Variants in SMPDL3B observed in about 807,000 individuals in gnomAD.
SMPDL3B encodes the protein acid sphingomyelinase-like phosphodiesterase 3b.
In SMPDL3B, 31 loss-of-function variants were observed where a neutral mutation model predicts 37.9. The ratio of observed to expected loss-of-function variants is 0.82; its 90% confidence interval spans 0.61 to 1.10. The LOEUF (loss-of-function observed/expected upper bound fraction) is 1.10. Ranked by LOEUF, SMPDL3B falls within the 50% of genes least tolerant of loss-of-function variation. The probability of loss-of-function intolerance (pLI) is 0.00; values close to 1 mark genes in which losing one functional copy is unlikely to be tolerated. For synonymous variants in SMPDL3B, 235 were observed against 242.6 expected (o/e 0.97, Z 0.29); for missense variants, 525 against 597.8 (o/e 0.88, Z 1.27).
chr1:27,948,420 C>T (rs1247961768), intron 2 of SMPDL3B, among the ~76,000 whole-genome samples: 6 of 151,986 alleles, frequency 3.9e-5, no homozygotes, highest in Non-Finnish European at 7.4e-5. Context: ...ACTGTCCGGA[C>T]GTCTCCCCAT....
At chr1:27,944,170 G>A (rs2148675262) in intron 1 of SMPDL3B, among the ~76,000 whole-genome samples, 1 of 152,094 alleles carries the variant, frequency 6.6e-6, no homozygotes, top group East Asian at 1.9e-4. Context: ...ACTGAGTCTA[G>A]GTTTCGGTCA....
At chr1:27,953,090 G>A in intron 3 of SMPDL3B, 125 bp from the exon 4 acceptor site, 1 of 694,568 alleles carries the variant, frequency 1.4e-6, no homozygotes, top group South Asian at 1.9e-5. Flanking sequence ...TCCTATCTGT[G>A]TCTTTTCCTC....
Position 27,958,999 on chromosome 1 carries a change from C to T in SMPDL3B, c.*161C>T, listed in dbSNP as rs1349169937. 1 of 830,742 alleles carries T rather than the reference C, an allele frequency of 1.2e-6. No individual in the cohort carries two copies. Among genetic ancestry groups the T allele is most frequent in the Non-Finnish European group, 1.8e-6 (1 of 550,364 alleles). 51.5% of individuals were successfully genotyped at this position (830,742 alleles called of 1,614,324 possible). A position where few individuals can be genotyped will look rare whatever the true frequency, so the allele number is the denominator to read the frequency against. On this transcript the variant is annotated 3_prime_UTR_variant, in exon 8 of 8. Transcript: ENST00000373894. The surrounding 1 kb of genome is among the most constrained non-coding windows in gnomAD (Gnocchi z 5.6). ...CCCAGGAGCTGCAGCCATCCGTGAT[C>T]GCGCCACTGCACTCCAGCCTGGGTG...
chr1:27,940,097 C>A (rs2090344095), intron 1 of SMPDL3B, among the ~76,000 whole-genome samples: 1 of 152,098 alleles, frequency 6.6e-6, no homozygotes, highest in Non-Finnish European at 1.5e-5. Flanking sequence ...GGCCTTGGGC[C>A]CTATGTCTGT....
At chr1:27,946,692 C>A (rs2090410944) in intron 2 of SMPDL3B, among the ~76,000 whole-genome samples, 1 of 152,206 alleles carries the variant, frequency 6.6e-6, no homozygotes, top group African/African-American at 2.4e-5. Flanking sequence ...GGAATTCTGA[C>A]TTTGCGCTCC....
At position 27,958,990 on chromosome 1, in the gene SMPDL3B, A is replaced by G. The variant is rs41284296; in HGVS notation, c.*152A>G. 20,870 of 945,568 alleles carry G rather than the reference A, an allele frequency of 0.022. 308 individuals are homozygous for G. Among genetic ancestry groups the G allele is most frequent in the Middle Eastern group, 0.026 (78 of 2,946 alleles). The allele number at this position is 945,568 out of a possible 1,614,324, so 58.6% of individuals were successfully genotyped here. A position where few individuals can be genotyped will look rare whatever the true frequency, so the allele number is the denominator to read the frequency against. On this transcript the variant is annotated 3_prime_UTR_variant, in exon 8 of 8. Transcript: ENST00000373894. This position sits in a 1 kb window ranked among gnomAD's most constrained non-coding sequence, Gnocchi z 5.6. Reference sequence around the variant, plus strand: ...AAGCGAAGCCCCAGGAGCTGCAGCCATCCGTGATCGCGCCACTGCACTCCA... The same window carrying G: ...AAGCGAAGCCCCAGGAGCTGCAGCCGTCCGTGATCGCGCCACTGCACTCCA...
At position 27,954,404 on chromosome 1, in the gene SMPDL3B, G is replaced by A. The variant is rs761895862; in HGVS notation, c.568G>A (p.Val190Met). 6.2e-7 allele frequency: 1 copy of A among 1,614,090 alleles called. No individual in the cohort carries two copies. The highest frequency in any genetic ancestry group is 8.5e-7 in the Non-Finnish European group (1 of 1,180,022). ...LPGPSGAGRI[V>M]VLNTNLYYTS... ...GGGTCCCAGCGGGGCTGGGCGAATTGTGGTCCTCAACACCAATCTGTACTA... is the reference window on the plus strand; with the variant it reads ...GGGTCCCAGCGGGGCTGGGCGAATTATGGTCCTCAACACCAATCTGTACTA... Residue 190 changes from valine to methionine, a missense_variant, in exon 5 of 8, where the codon GTG (valine) becomes ATG (methionine). Val to Met is a conservative substitution (Grantham distance 21, BLOSUM62 1). Coordinates refer to ENST00000373894, the MANE Select transcript of SMPDL3B (RefSeq NM_014474.4).
In SMPDL3B at chr1:27,945,359, C is replaced by T; in HGVS notation, c.189C>T (p.Leu63=). Residue 63 remains leucine, a synonymous_variant, in exon 2 of 8, where the codon CTC becomes CTT. Coordinates refer to ENST00000373894, the MANE Select transcript of SMPDL3B (RefSeq NM_014474.4). This position sits in a 1 kb window ranked among gnomAD's most constrained non-coding sequence, Gnocchi z 4.0. The part of the protein sequence containing the change: ...VPDAGPWGDY[L]CDSPWALINS... ...ACGCAGGCCCCTGGGGTGACTACCT[C>T]TGTGATTCTCCCTGGGCCCTCATCA... The T allele has an allele frequency of 2.5e-6, 4 of 1,614,206 alleles. No homozygotes were observed. Among genetic ancestry groups the T allele is most frequent in the Non-Finnish European group, 3.4e-6 (4 of 1,180,026 alleles).
In SMPDL3B at chr1:27,944,981, T is replaced by C. The variant is rs74503839; in HGVS notation, c.62-251T>C. 7.8e-4 allele frequency among the ~76,000 whole-genome samples: 118 copies of C among 152,128 alleles called. No homozygotes were observed. In the East Asian group the frequency reaches 0.018, roughly 23 times the overall value. ...TCTAATGTTGTGGCTGCCCATCCAA[T>C]GTGGGGAGGAGGACGGGGCCTTGCC... On this transcript the variant is annotated intron_variant, in intron 1 of 7. Transcript: ENST00000373894.
chr1:27,950,640 AT>A (rs1297078379), intron 3 of SMPDL3B, among the ~76,000 whole-genome samples: 2 of 151,728 alleles, frequency 1.3e-5, no homozygotes, highest in African/African-American at 4.8e-5. Flanking sequence ...TTATTTTTTT[AT>A]TTTTTTAAGG....
rs531563706 is a variant in SMPDL3B at position 27,954,459 on chromosome 1, C to T, written c.623C>T (p.Ala208Val). 15 of 1,614,056 alleles carry T rather than the reference C, an allele frequency of 9.3e-6. No individual in the cohort carries two copies. The highest frequency in any genetic ancestry group is 6.7e-5 in the Admixed American group (4 of 60,022). Residue 208 changes from alanine (A) to valine (V), a missense_variant, in exon 5 of 8, where the codon GCG becomes GTG. Ala to Val is a moderately conservative substitution (Grantham distance 64). Transcript: ENST00000373894. ...YTSNALTADM[A>V]DPGQQFQWLE... ...AGCAATGCGCTGACAGCAGACATGGCGGACCCTGGCCAGCAGTTCCAGTGG... is the reference window on the plus strand; with the variant it reads ...AGCAATGCGCTGACAGCAGACATGGTGGACCCTGGCCAGCAGTTCCAGTGG...
intron 1 of SMPDL3B, among the ~76,000 whole-genome samples, chr1:27,940,578 A>G (rs560798069): frequency 2.0e-5 from 3 of 152,276 alleles, no homozygotes; most frequent in South Asian, 4.1e-4. Context: ...GGGGTGGTGC[A>G]GTAGGACTCC....
At chr1:27,937,446 A>G (rs910361447) in intron 1 of SMPDL3B, among the ~76,000 whole-genome samples, 7 of 152,222 alleles carry the variant, frequency 4.6e-5, no homozygotes, top group African/African-American at 7.2e-5. Context: ...TGGTCCGTAA[A>G]TGTAGGTTTT....
Position 27,955,992 on chromosome 1 carries a change from A to C in SMPDL3B, c.915A>C (p.Pro305=). 1 of 1,614,050 alleles carries C rather than the reference A, an allele frequency of 6.2e-7. No homozygotes were observed. Among genetic ancestry groups the C allele is most frequent in the Non-Finnish European group, 8.5e-7 (1 of 1,179,994 alleles). The change falls in exon 7 of 8, where the codon CCA becomes CCC. Residue 305 remains proline, a synonymous_variant. Coordinates refer to ENST00000373894, the MANE Select transcript of SMPDL3B (RefSeq NM_014474.4). ...TGTTCATCACACCTGGAGTCACCCC[A>C]TGGAAAACCACATTACCTGGAGTGG... ...SAMFITPGVT[P]WKTTLPGVVN...
In SMPDL3B at chr1:27,942,323, C is replaced by CG. The variant is rs386629816; in HGVS notation, c.62-2909_62-2908insG. ...CAAGAGAAAGGCAAAGGGCCTCCCC[C>CG]AACATCCATCCTGGCCAGCCTGGCT... is the stretch of plus-strand genomic sequence containing the variant. On this transcript the variant is annotated intron_variant, in intron 1 of 7. Transcript: ENST00000373894. 1.3e-4 allele frequency: 47 copies of CG among 370,300 alleles called. No homozygotes were observed. In the African/African-American group the frequency reaches 1.5e-3, roughly 12 times the overall value. 22.9% of individuals were successfully genotyped at this position (370,300 alleles called of 1,614,324 possible). A position where few individuals can be genotyped will look rare whatever the true frequency, so the allele number is the denominator to read the frequency against.
At chr1:27,955,634 G>C (rs373786450) in intron 5 of SMPDL3B, 50 bp from the exon 6 acceptor site, 4 of 1,559,050 alleles carry the variant, frequency 2.6e-6, no homozygotes, top group Non-Finnish European at 2.6e-6. Flanking sequence ...TAGAAATGAG[G>C]GTCTGGAGAG....
Position 27,958,726 on chromosome 1 carries a change from A to G in SMPDL3B, c.1256A>G (p.Gln419Arg), listed in dbSNP as rs140164251. Residue 419 changes from glutamine to arginine, a missense_variant, in exon 8 of 8, where the codon CAG (glutamine) becomes CGG (arginine). Gln to Arg is a conservative substitution (Grantham distance 43). Transcript: ENST00000373894. The surrounding 1 kb of genome is among the most constrained non-coding windows in gnomAD (Gnocchi z 5.6). ...ATGCAGCACGTGTGTGCCATGCGCC[A>G]GGTGGACATTGACGCTTACACCACC... ...CSMQHVCAMR[Q>R]VDIDAYTTCL... is the part of the protein sequence containing the mutation. 3.0e-5 allele frequency: 48 copies of G among 1,613,706 alleles called. No homozygotes were observed. The African/African-American group carries it at 6.0e-4, about 20-fold the overall frequency.
At chr1:27,956,287 C>T in intron 7 of SMPDL3B, 1 of 1,513,888 alleles carries the variant, frequency 6.6e-7, no homozygotes, top group Non-Finnish European at 8.8e-7. Context: ...GTCACCTTTT[C>T]CCCTGGATGA....
At position 27,953,353 on chromosome 1, in the gene SMPDL3B, A is replaced by G. The variant is rs1311702395; in HGVS notation, c.512A>G (p.Lys171Arg). 6.2e-7 allele frequency: 1 copy of G among 1,610,532 alleles called. No homozygotes were observed. The highest frequency in any genetic ancestry group is 1.1e-5 in the South Asian group (1 of 90,070). The change falls in exon 4 of 8, where the codon AAA becomes AGA. Residue 171 changes from lysine (K) to arginine (R), a missense_variant. Lys to Arg is a conservative substitution (Grantham distance 26). Transcript: ENST00000373894. The part of the protein sequence containing the change: ...WLSNESIALF[K>R]KGAFYCEKLP... ...AGTAATGAGTCCATCGCTCTCTTCAAAAAAGGTACCAACACCACCTGCTCC... is the reference window on the plus strand; with the variant it reads ...AGTAATGAGTCCATCGCTCTCTTCAGAAAAGGTACCAACACCACCTGCTCC...
Sources: allele counts gnomAD v4.1 joint callset (sites outside exome capture counted in the v4.1 genomes callset), GRCh38; gene constraint gnomAD v4.1.1; non-coding constraint Gnocchi (gnomAD v3.1); transcripts MANE v1.5; gene names NCBI Gene and HGNC (gene_info 2026-07-23, HGNC 2026-07-21).